Variants in CDC14A observed in about 807,000 individuals in gnomAD.
CDC14A encodes dual specificity protein phosphatase CDC14A.
A neutral mutation model predicts 74.4 loss-of-function variants in CDC14A; 53 were observed. The observed-to-expected ratio is 0.71, with a 90% CI of 0.57 to 0.89. The LOEUF (loss-of-function observed/expected upper bound fraction) is 0.89. CDC14A is among the 40% of genes least tolerant of loss of function. The pLI, the probability that CDC14A is intolerant of heterozygous loss-of-function variation, is 0.00. For missense variants in CDC14A, 646 were observed against 713.7 expected (o/e 0.91, Z 1.08); for synonymous variants, 247 against 258.4 (o/e 0.96, Z 0.43).
At chr1:100,381,208 T>C (rs376648803) in intron 3 of CDC14A, among the ~76,000 whole-genome samples, 2 of 152,210 alleles carry the variant, frequency 1.3e-5, no homozygotes, top group East Asian at 1.9e-4. Flanking sequence ...CTCCTTTTGC[T>C]TCCAGAGGTT....
chr1:100,431,924 G>A (rs1223194775), intron 5 of CDC14A, among the ~76,000 whole-genome samples: 1 of 151,876 alleles, frequency 6.6e-6, no homozygotes, highest in African/African-American at 2.4e-5. Flanking sequence ...TACAGGTCTT[G>A]GTCTGTTTTT....
At chr1:100,484,750 A>G (rs1669861387) in intron 11 of CDC14A, 1 of 1,003,624 alleles carries the variant, frequency 1.0e-6, no homozygotes, top group Non-Finnish European at 1.2e-6. Flanking sequence ...ATAAATATCA[A>G]GAAGAAAAAT....
upstream of CDC14A, among the ~76,000 whole-genome samples, chr1:100,348,504 T>C (rs996903524): frequency 5.9e-5 from 9 of 152,216 alleles, no homozygotes; most frequent in Non-Finnish European, 1.0e-4. Context: ...TTTCTTTTTT[T>C]AGAACTGGCC....
chr1:100,476,529 T>C (rs916777943), intron 10 of CDC14A, among the ~76,000 whole-genome samples: 3 of 152,078 alleles, frequency 2.0e-5, no homozygotes, highest in Non-Finnish European at 4.4e-5. Flanking sequence ...AAAGGAAAAC[T>C]CGAGGAACTC....
upstream of CDC14A, chr1:100,352,501 T>A: frequency 3.9e-6 from 4 of 1,029,820 alleles, no homozygotes; most frequent in Non-Finnish European, 4.7e-6. Context: ...CGAAGGAGGA[T>A]CCGGAGCAGC....
At chr1:100,359,375 G>A (rs1163991137) in intron 2 of CDC14A, among the ~76,000 whole-genome samples, 1 of 152,214 alleles carries the variant, frequency 6.6e-6, no homozygotes, top group Admixed American at 6.5e-5. Flanking sequence ...GCAAGCCAGA[G>A]GCAGTCCACC....
chr1:100,518,504 T>C lies in CDC14A; in HGVS notation c.*224T>C. On this transcript the variant is annotated 3_prime_UTR_variant, in exon 16 of 16. Transcript: ENST00000336454. ...ACTATGTTTATGGAGATTTCCATAC[T>C]TTTAAAGACAGTTTTAATGTTGAAT... is the stretch of plus-strand genomic sequence containing the variant. 2.2e-6 allele frequency: 1 copy of C among 459,852 alleles called. No individual in the cohort carries two copies. The highest frequency in any genetic ancestry group is 3.9e-6 in the Non-Finnish European group (1 of 255,166). 28.5% of individuals were successfully genotyped at this position (459,852 alleles called of 1,614,324 possible).
intron 5 of CDC14A, among the ~76,000 whole-genome samples, chr1:100,428,301 G>GT (rs538778620): frequency 3.1e-4 from 47 of 152,280 alleles, no homozygotes; most frequent in Admixed American, 1.4e-3. Flanking sequence ...GAATTGGAGG[G>GT]TAGGTGTGTC....
At chr1:100,365,631 C>CTG (rs1653469328) in intron 2 of CDC14A, among the ~76,000 whole-genome samples, 1 of 152,086 alleles carries the variant, frequency 6.6e-6, no homozygotes, top group Non-Finnish European at 1.5e-5. Context: ...CATCAGACTG[C>CTG]TGTGTGTGTG....
chr1:100,502,357 A>G (rs986998286), intron 15 of CDC14A, among the ~76,000 whole-genome samples: 1 of 152,132 alleles, frequency 6.6e-6, no homozygotes, highest in Non-Finnish European at 1.5e-5. Context: ...ATGTTTAGGT[A>G]TGTTTAGACA....
At chr1:100,383,761 A>G (rs1656466697) in intron 3 of CDC14A, 1 of 152,244 alleles carries the variant, frequency 6.6e-6, no homozygotes, top group Non-Finnish European at 1.5e-5. Flanking sequence ...ATTAAAGAGC[A>G]TATTATCCAG....
chr1:100,415,668 A>C (rs1661444041), intron 4 of CDC14A, among the ~76,000 whole-genome samples: 1 of 152,210 alleles, frequency 6.6e-6, no homozygotes, highest in Non-Finnish European at 1.5e-5. Flanking sequence ...ATTCATTCTT[A>C]CTCTGTTTTA....
chr1:100,374,424 A>G (rs1393807249), intron 2 of CDC14A, among the ~76,000 whole-genome samples: 2 of 152,192 alleles, frequency 1.3e-5, no homozygotes, highest in African/African-American at 4.8e-5. Flanking sequence ...TCCCACCAAC[A>G]GTGTAAAAGT....
intron 6 of CDC14A, 115 bp from the exon 7 acceptor site, chr1:100,442,819 T>G: frequency 1.4e-6 from 1 of 724,788 alleles, no homozygotes. Flanking sequence ...ACATCAAAGG[T>G]TTCAAGCTGT....
At chr1:100,430,670 A>T (rs1016067601) in intron 5 of CDC14A, among the ~76,000 whole-genome samples, 1 of 152,224 alleles carries the variant, frequency 6.6e-6, no homozygotes, top group African/African-American at 2.4e-5. Flanking sequence ...AGATGTAATC[A>T]TAAAATATAT....
Position 100,352,890 on chromosome 1 carries a change from C to A in CDC14A, c.-65C>A. The A allele has an allele frequency of 1.9e-6, 3 of 1,610,396 alleles. No individual in the cohort carries two copies. The South Asian group carries it at 3.3e-5, about 18-fold the overall frequency. On this transcript the variant is annotated 5_prime_UTR_variant, in exon 1 of 16. Transcript: ENST00000336454. ...TCCTGGCTCCTGGGCAGTGGGGAAG[C>A]CCCCGGGGGCGAGTGACTTCAGCTG...
intron 4 of CDC14A, among the ~76,000 whole-genome samples, chr1:100,407,958 T>C (rs1321663236): frequency 1.3e-5 from 2 of 152,178 alleles, no homozygotes; most frequent in East Asian, 3.8e-4. Context: ...TGTGCAGGTT[T>C]GTTGTAGAGG....
At chr1:100,487,935 C>G (rs1670208518) in intron 11 of CDC14A, among the ~76,000 whole-genome samples, 1 of 152,030 alleles carries the variant, frequency 6.6e-6, no homozygotes, top group African/African-American at 2.4e-5. Context: ...TTGTCTTCAT[C>G]ATGATTCTGT....
At chr1:100,363,230 T>G (rs1015539222) in intron 2 of CDC14A, 2 of 152,248 alleles carry the variant, frequency 1.3e-5, no homozygotes, top group African/African-American at 4.8e-5. Flanking sequence ...TCCCAGGTAG[T>G]AGTATTCCTA....
Sources: allele counts gnomAD v4.1 joint callset (sites outside exome capture counted in the v4.1 genomes callset), GRCh38; gene constraint gnomAD v4.1.1; transcripts MANE v1.5; gene names NCBI Gene and HGNC (gene_info 2026-07-23, HGNC 2026-07-21).